MYO1E: variants seen among roughly 807,000 people sequenced by gnomAD.
MYO1E encodes the protein myosin IE.
In MYO1E, 68 loss-of-function variants were observed where a neutral mutation model predicts 151.1. That is an observed-to-expected ratio of 0.45 (90% CI 0.37 to 0.55). MYO1E has a LOEUF of 0.55. MYO1E is among the 20% of genes least tolerant of loss of function. MYO1E has a pLI of 0.00. For synonymous variants in MYO1E, 601 were observed against 501.7 expected, an observed-to-expected ratio of 1.20 and a Z score of -2.64; for missense variants, 1,363 against 1,389.3, an observed-to-expected ratio of 0.98 and a Z score of 0.30.
chr15:59,263,907 T>C (rs543493413), intron 2 of MYO1E, among the ~76,000 whole-genome samples: 19 of 152,062 alleles, frequency 1.2e-4, no homozygotes, highest in African/African-American at 3.9e-4. Context: ...GACACATACA[T>C]GTACTGTTAA....
chr15:59,222,966 C>A, intron 9 of MYO1E, 93 bp downstream of exon 9: 1 of 1,562,682 alleles, frequency 6.4e-7, no homozygotes, highest in Non-Finnish European at 8.8e-7. Context: ...TCCCAATATT[C>A]CCATTTGAGA....
chr15:59,222,275 C>A (rs1274978801), intron 9 of MYO1E, among the ~76,000 whole-genome samples: 1 of 152,138 alleles, frequency 6.6e-6, no homozygotes, highest in African/African-American at 2.4e-5. Context: ...TTAAAGAATG[C>A]TGAGAAAGGA....
intron 22 of MYO1E, among the ~76,000 whole-genome samples, chr15:59,165,241 A>G (rs1296742925): frequency 6.6e-6 from 1 of 152,202 alleles, no homozygotes; most frequent in African/African-American, 2.4e-5. Flanking sequence ...GAATGGCAGT[A>G]CGCGCAAACC....
At chr15:59,163,328 C>T in intron 22 of MYO1E, 25 bp from the exon 23 acceptor site, 1 of 1,608,570 alleles carries the variant, frequency 6.2e-7, no homozygotes, top group Non-Finnish European at 8.5e-7. Flanking sequence ...GACAAACACA[C>T]TTGGTGAAAG....
At chr15:59,353,918 G>A (rs2080839252) in intron 1 of MYO1E, among the ~76,000 whole-genome samples, 1 of 152,170 alleles carries the variant, frequency 6.6e-6, no homozygotes, top group Non-Finnish European at 1.5e-5. Context: ...CCTAAAGCAT[G>A]TGAACATAAA....
chr15:59,336,431 G>A (rs771636139), intron 1 of MYO1E, among the ~76,000 whole-genome samples: 6 of 151,856 alleles, frequency 4.0e-5, no homozygotes, highest in Non-Finnish European at 8.8e-5. Context: ...GGTAAATAAG[G>A]TTTATTTATG....
chr15:59,173,966 A>G, intron 20 of MYO1E, 51 bp from the exon 21 acceptor site: 1 of 1,590,278 alleles, frequency 6.3e-7, no homozygotes, highest in Non-Finnish European at 8.6e-7. Context: ...CAGTCAGAAA[A>G]GGGAGGAAAA....
intron 1 of MYO1E, among the ~76,000 whole-genome samples, chr15:59,274,632 AAC>A (rs1260417541): frequency 6.6e-6 from 1 of 152,204 alleles, no homozygotes; most frequent in Non-Finnish European, 1.5e-5. Flanking sequence ...AAGGACAAGA[AAC>A]AGAGAAGCTC....
intron 1 of MYO1E, among the ~76,000 whole-genome samples, chr15:59,325,688 G>A (rs1485617055): frequency 3.9e-5 from 6 of 152,074 alleles, no homozygotes; most frequent in Non-Finnish European, 8.8e-5. Flanking sequence ...AATTAAATTA[G>A]TTAAGATTAA....
At chr15:59,342,921 C>T (rs184928813) in intron 1 of MYO1E, among the ~76,000 whole-genome samples, 1 of 152,262 alleles carries the variant, frequency 6.6e-6, no homozygotes, top group Non-Finnish European at 1.5e-5. Context: ...AATTTTGTCT[C>T]CCCACTTTTT....
intron 1 of MYO1E, among the ~76,000 whole-genome samples, chr15:59,349,598 G>T (rs1271295239): frequency 6.6e-6 from 1 of 152,130 alleles, no homozygotes; most frequent in Admixed American, 6.5e-5. Context: ...CCCAAATTCA[G>T]TGAATGCATT....
At chr15:59,231,214 A>G (rs2080025640) in intron 6 of MYO1E, among the ~76,000 whole-genome samples, 1 of 152,212 alleles carries the variant, frequency 6.6e-6, no homozygotes. Flanking sequence ...TGCGGTGGGC[A>G]GGCAGCTCGC....
intron 4 of MYO1E, among the ~76,000 whole-genome samples, chr15:59,241,635 C>G (rs2080100157): frequency 6.6e-6 from 1 of 152,082 alleles, no homozygotes; most frequent in Admixed American, 6.6e-5. Context: ...ACCTAGGGGA[C>G]AGAGGTTGCA....
Position 59,210,594 on chromosome 15 carries a change from A to C in MYO1E, c.1282T>G (p.Tyr428Asp). Residue 428 changes from tyrosine to aspartate, a missense_variant, in exon 13 of 28, where the codon TAT becomes GAT. By Grantham distance (160) the Tyr-to-Asp change is radical. Transcript: ENST00000288235. ...ELTLKAEQEEYVQEGIRWTPI... is the reference protein window; with the variant it reads ...ELTLKAEQEEDVQEGIRWTPI... ...GTCCATCTTATTCCCTCTTGAACAT[A>C]TTCTTCCTGTAACACAGAGACAAGG... 1 of 1,591,666 alleles carries C rather than the reference A, an allele frequency of 6.3e-7. No individual in the cohort carries two copies. Among genetic ancestry groups the C allele is most frequent in the Non-Finnish European group, 8.6e-7 (1 of 1,159,472 alleles).
At chr15:59,309,585 G>T (rs1240480436) in intron 1 of MYO1E, among the ~76,000 whole-genome samples, 2 of 152,206 alleles carry the variant, frequency 1.3e-5, no homozygotes, top group Non-Finnish European at 2.9e-5. Flanking sequence ...CAGGCTGGAC[G>T]ACGGCCCTAG....
intron 1 of MYO1E, among the ~76,000 whole-genome samples, chr15:59,357,511 G>A (rs185950586): frequency 4.0e-4 from 59 of 148,690 alleles, no homozygotes; most frequent in African/African-American, 1.4e-3. Context: ...TGCAACCTCC[G>A]CCTCCCGGGT....
chr15:59,290,616 T>C (rs1022480353), intron 1 of MYO1E, among the ~76,000 whole-genome samples: 1 of 152,230 alleles, frequency 6.6e-6, no homozygotes, highest in Non-Finnish European at 1.5e-5. Flanking sequence ...TAATAGACTG[T>C]GACTTTCTTT....
chr15:59,295,566 G>C (rs1448948856), intron 1 of MYO1E, among the ~76,000 whole-genome samples: 1 of 152,196 alleles, frequency 6.6e-6, no homozygotes, highest in Non-Finnish European at 1.5e-5. Context: ...TTTCCAGAGG[G>C]AAAGGGACCA....
intron 2 of MYO1E, among the ~76,000 whole-genome samples, chr15:59,269,648 G>C (rs1310302734): frequency 6.6e-6 from 1 of 152,082 alleles, no homozygotes; most frequent in Admixed American, 6.6e-5. Flanking sequence ...ATGAGGTGAA[G>C]AGATTGAGAC....
Sources: allele counts gnomAD v4.1 joint callset (sites outside exome capture counted in the v4.1 genomes callset), GRCh38; gene constraint gnomAD v4.1.1; transcripts MANE v1.5; gene names NCBI Gene and HGNC (gene_info 2026-07-23, HGNC 2026-07-21).